Variants in TENM4 observed in about 807,000 individuals in gnomAD.
The protein encoded by TENM4 is teneurin transmembrane protein 4.
In TENM4, 82 loss-of-function variants were observed where a neutral mutation model predicts 243.3. The observed-to-expected ratio is 0.34, with a 90% CI of 0.28 to 0.40. TENM4 has a LOEUF of 0.40. Ranked by LOEUF, TENM4 falls within the 10% of genes least tolerant of loss-of-function variation. The pLI is 1.00. For missense variants in TENM4, 3,138 were observed against 3,673.3 expected, an observed-to-expected ratio of 0.85 and a Z score of 3.77; for synonymous variants, 1,412 against 1,456.3, an observed-to-expected ratio of 0.97 and a Z score of 0.69.
intron 9 of TENM4, among the ~76,000 whole-genome samples, chr11:78,889,100 CG>C (rs113975321): frequency 2.5e-4 from 38 of 152,296 alleles, no homozygotes; most frequent in African/African-American, 8.7e-4. Context: ...AGGCAGAGGT[CG>C]GGAGGAGCTC....
intron 1 of TENM4, among the ~76,000 whole-genome samples, chr11:79,332,648 A>G (rs1857079979): frequency 6.6e-6 from 1 of 152,298 alleles, no homozygotes; most frequent in African/African-American, 2.4e-5. Context: ...TGGATATCCA[A>G]TGTTGTTGTT....
intron 1 of TENM4, among the ~76,000 whole-genome samples, chr11:79,393,451 C>CCTT (rs1858277826): frequency 6.6e-6 from 1 of 152,206 alleles, no homozygotes; most frequent in Non-Finnish European, 1.5e-5. Context: ...GCAAAGCCAT[C>CCTT]CTTCAGTCCT....
At chr11:79,021,026 A>C (rs1411712636) in intron 6 of TENM4, among the ~76,000 whole-genome samples, 1 of 152,328 alleles carries the variant, frequency 6.6e-6, no homozygotes, top group East Asian at 1.9e-4. Context: ...TGCCTTATTC[A>C]TCTTTGCATC....
chr11:78,780,332 C>T (rs879484475), intron 16 of TENM4, among the ~76,000 whole-genome samples: 13 of 152,236 alleles, frequency 8.5e-5, no homozygotes, highest in Non-Finnish European at 1.3e-4. Flanking sequence ...TCTTATATCT[C>T]ATCTCCCAGG....
chr11:78,723,965 TTAAC>T (rs1338680233), intron 23 of TENM4, among the ~76,000 whole-genome samples: 2 of 152,156 alleles, frequency 1.3e-5, no homozygotes, highest in African/African-American at 2.4e-5. Flanking sequence ...AATTAATTAA[TTAAC>T]TACTTTCTTT....
At chr11:79,061,583 G>A (rs1187806712) in intron 6 of TENM4, among the ~76,000 whole-genome samples, 1 of 152,224 alleles carries the variant, frequency 6.6e-6, no homozygotes, top group Non-Finnish European at 1.5e-5. Context: ...TAATTCAGCT[G>A]TAATTCAGCT....
intron 1 of TENM4, among the ~76,000 whole-genome samples, chr11:79,416,550 C>T (rs1297727607): frequency 1.3e-5 from 2 of 152,074 alleles, no homozygotes; most frequent in Non-Finnish European, 2.9e-5. Context: ...GTAAAATTAA[C>T]ATTACTGGTT....
intron 3 of TENM4, among the ~76,000 whole-genome samples, chr11:79,167,649 C>T (rs963823643): frequency 2.0e-5 from 3 of 152,096 alleles, no homozygotes; most frequent in African/African-American, 7.2e-5. Flanking sequence ...CCAGAAGGCT[C>T]CAGGTGAAGG....
intron 32 of TENM4, among the ~76,000 whole-genome samples, chr11:78,666,986 GT>G (rs1555058084): frequency 1.3e-5 from 2 of 151,982 alleles, no homozygotes; most frequent in Non-Finnish European, 2.9e-5. Context: ...ATTGCACCAT[GT>G]TTTTTTTCAG....
intron 6 of TENM4, among the ~76,000 whole-genome samples, chr11:79,016,567 TGGA>T (rs1353338635): frequency 3.3e-5 from 5 of 152,158 alleles, no homozygotes; most frequent in East Asian, 3.9e-4. Flanking sequence ...GTTTATAATT[TGGA>T]GGAGGAGTCT....
intron 1 of TENM4, among the ~76,000 whole-genome samples, chr11:79,305,970 C>CAACT (rs1278415032): frequency 6.6e-6 from 1 of 152,208 alleles, no homozygotes; most frequent in Non-Finnish European, 1.5e-5. Context: ...TTTCAGGAAC[C>CAACT]AACTGCAAAA....
intron 26 of TENM4, among the ~76,000 whole-genome samples, chr11:78,711,600 C>A (rs1331533492): frequency 1.3e-5 from 2 of 152,140 alleles, no homozygotes; most frequent in African/African-American, 4.8e-5. Flanking sequence ...TCAGAATAAA[C>A]CTAGGAGGTA....
At chr11:79,104,088 G>A (rs1018004255) in intron 4 of TENM4, among the ~76,000 whole-genome samples, 1 of 152,080 alleles carries the variant, frequency 6.6e-6, no homozygotes, top group Non-Finnish European at 1.5e-5. Flanking sequence ...TCTAAAGAGT[G>A]GTCTTCCCTT....
chr11:78,876,192 T>C (rs559186581), intron 9 of TENM4, among the ~76,000 whole-genome samples: 2 of 152,322 alleles, frequency 1.3e-5, no homozygotes, highest in South Asian at 2.1e-4. Context: ...AGAGAGTGCA[T>C]TGACTGCTGG....
chr11:79,114,539 A>C (rs781508193), intron 4 of TENM4, among the ~76,000 whole-genome samples: 1 of 152,226 alleles, frequency 6.6e-6, no homozygotes, highest in Non-Finnish European at 1.5e-5. Flanking sequence ...TGGTATTTAC[A>C]GCCTGCTAAG....
Position 78,722,683 on chromosome 11 carries a change from T to C in TENM4, c.3785A>G (p.Asn1262Ser), listed in dbSNP as rs1385994057. The C allele has an allele frequency of 3.7e-6, 6 of 1,613,412 alleles. No homozygotes were observed. Among genetic ancestry groups the C allele is most frequent in the African/African-American group, 1.3e-5 (1 of 74,940 alleles). Residue 1262 changes from asparagine (N) to serine (S), a missense_variant, in exon 24 of 34, where the codon AAC becomes AGC. By Grantham distance (46) the Asn-to-Ser change is conservative. Coordinates refer to ENST00000278550, the MANE Select transcript of TENM4 (RefSeq NM_001098816.3). The stretch of plus-strand genomic sequence containing the variant: ...CCTTACATACCTCAGCTCTAGGATG[T>C]TGGTGACATTTCCAGAGGGGAAGAT... ...RRIFPSGNVT[N>S]ILELRNKDFR...
intron 12 of TENM4, among the ~76,000 whole-genome samples, chr11:78,818,401 T>C (rs2136115748): frequency 6.6e-6 from 1 of 152,334 alleles, no homozygotes; most frequent in South Asian, 2.1e-4. Context: ...TGTTGGTTGC[T>C]AAACCTGACA....
chr11:79,369,540 C>A (rs2135506310), intron 1 of TENM4, among the ~76,000 whole-genome samples: 1 of 152,256 alleles, frequency 6.6e-6, no homozygotes. Flanking sequence ...CAATTGATAG[C>A]CAGGGAAAGA....
intron 3 of TENM4, among the ~76,000 whole-genome samples, chr11:79,162,974 C>T (rs538367601): frequency 2.6e-5 from 4 of 152,318 alleles, no homozygotes; most frequent in East Asian, 1.9e-4. Flanking sequence ...GCCCAAGGTG[C>T]GCTGCAGGGA....
Sources: gnomAD v4.1 joint callset for allele counts (sites outside exome capture counted in the v4.1 genomes callset) on GRCh38, gnomAD v4.1.1 for gene constraint, MANE v1.5 for transcripts, NCBI Gene and HGNC (gene_info 2026-07-23, HGNC 2026-07-21) for gene names.